NFATC2: variants seen among roughly 807,000 people sequenced by gnomAD.
The protein encoded by NFATC2 is nuclear factor of activated T-cells, cytoplasmic 2.
A neutral mutation model predicts 87.3 loss-of-function variants in NFATC2; 22 were observed. The ratio of observed to expected loss-of-function variants is 0.25; its 90% CI spans 0.18 to 0.36. The LOEUF (loss-of-function observed/expected upper bound fraction) is 0.36. NFATC2 is among the 10% of genes least tolerant of loss of function. NFATC2 has a pLI of 1.00. For synonymous variants in NFATC2, 565 were observed against 542.2 expected, an observed-to-expected ratio of 1.04 and a Z score of -0.58; for missense variants, 1,149 against 1,259.1, an observed-to-expected ratio of 0.91 and a Z score of 1.32.
At chr20:51,410,473 T>C (rs1364115970) in intron 9 of NFATC2, among the ~76,000 whole-genome samples, 1 of 152,160 alleles carries the variant, frequency 6.6e-6, no homozygotes, top group Non-Finnish European at 1.5e-5. Flanking sequence ...ACAGTATGTT[T>C]GTGTACTCAC....
intron 3 of NFATC2, among the ~76,000 whole-genome samples, chr20:51,490,805 T>C (rs1040013971): frequency 2.6e-5 from 4 of 152,278 alleles, no homozygotes; most frequent in East Asian, 3.9e-4. Flanking sequence ...TAATTATAAA[T>C]GTTAAAAATG....
At position 51,524,796 on chromosome 20, in the gene NFATC2, C is replaced by T. The variant is rs2076516622; in HGVS notation, c.131-686G>A. ...CATTTTACAAATGAGGAAACTGAGG[C>T]CCAGAGCGGGGAAAAGGCCCACCGA... On this transcript the variant is annotated intron_variant, in intron 1 of 10. Transcript: ENST00000371564. The surrounding 1 kb of genome is among the most constrained non-coding windows in gnomAD (Gnocchi z 4.0). Among the ~76,000 whole-genome samples the T allele has an allele frequency of 6.6e-6, 1 of 152,076 alleles. No individual in the cohort carries two copies. Among genetic ancestry groups the T allele is most frequent in the Non-Finnish European group, 1.5e-5 (1 of 68,022 alleles).
chr20:51,404,903 C>A (rs1988410318), intron 9 of NFATC2, among the ~76,000 whole-genome samples: 1 of 152,204 alleles, frequency 6.6e-6, no homozygotes, highest in African/African-American at 2.4e-5. Flanking sequence ...TCACAAGCAC[C>A]CTGCCACCAG....
chr20:51,404,950 G>A (rs1489339591), intron 9 of NFATC2, among the ~76,000 whole-genome samples: 1 of 152,230 alleles, frequency 6.6e-6, no homozygotes, highest in Non-Finnish European at 1.5e-5. Flanking sequence ...TTACGAGAAA[G>A]ATGCCACACC....
upstream of NFATC2, among the ~76,000 whole-genome samples, chr20:51,543,314 G>T (rs899855121): frequency 6.6e-6 from 1 of 152,242 alleles, no homozygotes; most frequent in African/African-American, 2.4e-5. Flanking sequence ...GCCCTCGGAA[G>T]CTCAGGCTCT....
chr20:51,466,357 C>T (rs1036651748), intron 5 of NFATC2, among the ~76,000 whole-genome samples: 2 of 151,950 alleles, frequency 1.3e-5, no homozygotes, highest in African/African-American at 4.8e-5. Flanking sequence ...CTGGCCCGGG[C>T]CTCCCTCCCT....
rs1312272289 is a variant in NFATC2, at chr20:51,523,808, C to T, written c.433G>A (p.Val145Met). The stretch of plus-strand genomic sequence containing the variant: ...AGGGTGAACCTCGGGCTGGCGGCCA[C>T]CCCGGCCAGGGGCGGCTGCTCCACC... ...LLVEQPPLAGVAASPRFTLPV... is the reference protein window; with the variant it reads ...LLVEQPPLAGMAASPRFTLPV... Residue 145 changes from valine to methionine, a missense_variant, in exon 2 of 11, where the codon GTG becomes ATG. Val to Met is a conservative substitution (Grantham distance 21). Coordinates refer to ENST00000371564, the MANE Select transcript of NFATC2 (RefSeq NM_012340.5). This position sits in a 1 kb window ranked among gnomAD's most constrained non-coding sequence, Gnocchi z 6.9. The T allele has an allele frequency of 1.1e-5, 17 of 1,609,454 alleles. No homozygotes were observed. The highest frequency in any genetic ancestry group is 1.4e-5 in the Non-Finnish European group (16 of 1,177,934).
At chr20:51,446,760 C>G (rs896924144) in intron 6 of NFATC2, among the ~76,000 whole-genome samples, 2 of 152,194 alleles carry the variant, frequency 1.3e-5, no homozygotes, top group Non-Finnish European at 2.9e-5. Flanking sequence ...CAATCTGGAT[C>G]GCATCTTTGG....
At chr20:51,465,772 A>C (rs1294669629) in intron 5 of NFATC2, among the ~76,000 whole-genome samples, 1 of 151,952 alleles carries the variant, frequency 6.6e-6, no homozygotes, top group Non-Finnish European at 1.5e-5. Flanking sequence ...TCATCATGAC[A>C]CTTGGCTCTC....
intron 10 of NFATC2, among the ~76,000 whole-genome samples, chr20:51,392,477 CA>C (rs902500273): frequency 1.3e-5 from 2 of 152,152 alleles, no homozygotes; most frequent in African/African-American, 4.8e-5. Context: ...GTGGATCCTG[CA>C]AAAAGGTTCC....
chr20:51,437,728 A>G (rs759942449), intron 6 of NFATC2, among the ~76,000 whole-genome samples: 2 of 152,220 alleles, frequency 1.3e-5, no homozygotes, highest in Non-Finnish European at 2.9e-5. Context: ...TCAGCAAGAC[A>G]TGGGCTATGT....
At chr20:51,525,919 A>ACCCCCC (rs1568730058) in intron 1 of NFATC2, among the ~76,000 whole-genome samples, 3 of 101,030 alleles carry the variant, frequency 3.0e-5, no homozygotes, top group Non-Finnish European at 6.0e-5. Context: ...CCGGCCTGCC[A>ACCCCCC]CCCACCCCCA....
rs1203466486 is a variant in NFATC2, at chr20:51,524,668, T to C, written c.131-558A>G. On this transcript the variant is annotated intron_variant, in intron 1 of 10. Transcript: ENST00000371564. The surrounding 1 kb of genome is among the most constrained non-coding windows in gnomAD (Gnocchi z 4.0). Reference sequence around the variant, plus strand: ...GGACACAGAGGGAGGCTGCGCAGACTCTGCAGCCCACAGTGCCCTGGGCTT... The same window carrying C: ...GGACACAGAGGGAGGCTGCGCAGACCCTGCAGCCCACAGTGCCCTGGGCTT... 1.3e-5 allele frequency among the ~76,000 whole-genome samples: 2 copies of C among 151,932 alleles called. No homozygotes were observed. Among genetic ancestry groups the C allele is most frequent in the African/African-American group, 4.8e-5 (2 of 41,328 alleles).
chr20:51,435,327 A>G lies in NFATC2; in HGVS notation c.1906-13T>C. 6.2e-7 allele frequency: 1 copy of G among 1,614,112 alleles called. No individual in the cohort carries two copies. Among genetic ancestry groups the G allele is most frequent in the Non-Finnish European group, 8.5e-7 (1 of 1,180,002 alleles). On this transcript the variant is annotated splice_polypyrimidine_tract_variant and intron_variant, in intron 7 of 10. Transcript: ENST00000371564. ...CAAAAAGCATGTTCTATAAGGAAGG[A>G]GTTGTCATGAACTTAACTGCAATCA... is the stretch of plus-strand genomic sequence containing the variant.
intron 10 of NFATC2, 77 bp downstream of exon 10, chr20:51,398,566 T>A (rs965963657): frequency 1.1e-5 from 10 of 914,448 alleles, no homozygotes; most frequent in Non-Finnish European, 1.2e-5. Context: ...TCTTATACTT[T>A]ACTTAAAAAA....
chr20:51,540,659 T>TG (rs1555818330), intron 1 of NFATC2, among the ~76,000 whole-genome samples: 2 of 100,074 alleles, frequency 2.0e-5, no homozygotes, highest in Non-Finnish European at 4.2e-5. Flanking sequence ...TTTTTTTTTG[T>TG]TTTTTTTTTT....
chr20:51,490,697 G>A (rs1187657869), intron 3 of NFATC2, among the ~76,000 whole-genome samples: 1 of 152,200 alleles, frequency 6.6e-6, no homozygotes, highest in Non-Finnish European at 1.5e-5. Context: ...GCACATGCCT[G>A]TAGTCCCAGC....
At chr20:51,446,751 A>G (rs1985109416) in intron 6 of NFATC2, among the ~76,000 whole-genome samples, 1 of 152,254 alleles carries the variant, frequency 6.6e-6, no homozygotes, top group African/African-American at 2.4e-5. Flanking sequence ...TCGGAGTTGC[A>G]ATCTGGATCG....
rs976976940 is a variant in NFATC2, at chr20:51,480,213, G to A, written c.1333-4553C>T. ...CAAGGCAGGAGAATCACTTGAACCCGGGGGTTGGAGGTGGCAGTGAGCCGA... is the reference window on the plus strand; with the variant it reads ...CAAGGCAGGAGAATCACTTGAACCCAGGGGTTGGAGGTGGCAGTGAGCCGA... On this transcript the variant is annotated intron_variant, in intron 3 of 10. Coordinates refer to ENST00000371564, the MANE Select transcript of NFATC2 (RefSeq NM_012340.5). This position sits in a 1 kb window ranked among gnomAD's most constrained non-coding sequence, Gnocchi z 4.2. 7.9e-5 allele frequency among the ~76,000 whole-genome samples: 12 copies of A among 152,182 alleles called. No individual in the cohort carries two copies. Among genetic ancestry groups the A allele is most frequent in the Middle Eastern group, 3.4e-3 (1 of 294 alleles).
Sources: gnomAD v4.1 joint callset for allele counts (sites outside exome capture counted in the v4.1 genomes callset) on GRCh38, gnomAD v4.1.1 for gene constraint, Gnocchi (gnomAD v3.1) non-coding constraint, MANE v1.5 for transcripts, NCBI Gene and HGNC (gene_info 2026-07-23, HGNC 2026-07-21) for gene names.